The following TTC28 variants were observed in gnomAD, a reference collection of about 807,000 sequenced individuals.
TTC28 encodes tetratricopeptide repeat domain 28.
A neutral mutation model predicts 198.0 loss-of-function variants in TTC28; 61 were observed. The ratio of observed to expected loss-of-function variants is 0.31; its 90% CI spans 0.25 to 0.38. The LOEUF is 0.38. TTC28 is among the 10% of genes least tolerant of loss of function. The pLI is 1.00. For synonymous variants in TTC28, 1,171 were observed against 1,297.8 expected (o/e 0.90, Z 2.10); for missense variants, 2,678 against 3,164.0 (o/e 0.85, Z 3.69).
At chr22:28,404,315 T>A (rs1388285352) in intron 2 of TTC28, among the ~76,000 whole-genome samples, 2 of 152,124 alleles carry the variant, frequency 1.3e-5, no homozygotes, top group African/African-American at 4.8e-5. Flanking sequence ...AGATGGGGTT[T>A]CACCTTGTTA....
At chr22:28,234,916 T>C (rs951741153) in intron 5 of TTC28, among the ~76,000 whole-genome samples, 2 of 152,250 alleles carry the variant, frequency 1.3e-5, no homozygotes, top group East Asian at 1.9e-4. Context: ...TACTCACTGA[T>C]AGACAACCAG....
chr22:28,112,706 T>C (rs1440533788), intron 6 of TTC28, among the ~76,000 whole-genome samples: 3 of 152,212 alleles, frequency 2.0e-5, no homozygotes, highest in Non-Finnish European at 1.5e-5. Context: ...GCTGAGGAGA[T>C]AATCTGCAGA....
intron 2 of TTC28, among the ~76,000 whole-genome samples, chr22:28,600,784 C>A (rs142694357): frequency 6.6e-6 from 1 of 152,156 alleles, no homozygotes; most frequent in African/African-American, 2.4e-5. Context: ...AGGCAAATTG[C>A]ATTTTACTCA....
At chr22:28,623,673 A>T (rs1440026749) in intron 2 of TTC28, among the ~76,000 whole-genome samples, 2 of 152,192 alleles carry the variant, frequency 1.3e-5, no homozygotes, top group East Asian at 3.8e-4. Context: ...GAAAATTTAA[A>T]AGCATTAATA....
intron 2 of TTC28, among the ~76,000 whole-genome samples, chr22:28,380,517 G>A (rs925744379): frequency 6.6e-6 from 1 of 152,052 alleles, no homozygotes; most frequent in South Asian, 2.1e-4. Flanking sequence ...GCTAATAAAG[G>A]ACTGGTTTGT....
At chr22:28,403,413 G>C (rs1339886045) in intron 2 of TTC28, among the ~76,000 whole-genome samples, 10 of 152,200 alleles carry the variant, frequency 6.6e-5, no homozygotes, top group Admixed American at 6.5e-4. Context: ...GGATTCCATA[G>C]TGACAGTTCA....
chr22:28,054,976 C>T (rs1940225194), intron 12 of TTC28, among the ~76,000 whole-genome samples: 1 of 152,150 alleles, frequency 6.6e-6, no homozygotes, highest in African/African-American at 2.4e-5. Flanking sequence ...TCTTTGAGTC[C>T]AGTGTGTTTC....
chr22:28,341,334 T>C (rs1026439245), intron 2 of TTC28, among the ~76,000 whole-genome samples: 3 of 152,236 alleles, frequency 2.0e-5, no homozygotes, highest in Non-Finnish European at 4.4e-5. Flanking sequence ...TACAAGCTTT[T>C]GCAATTTTGA....
chr22:28,460,873 C>T (rs534345712), intron 2 of TTC28, among the ~76,000 whole-genome samples: 3 of 152,086 alleles, frequency 2.0e-5, no homozygotes, highest in African/African-American at 7.2e-5. Context: ...TTTGTAGAGA[C>T]GGGTTTCGCC....
At chr22:28,249,639 G>C (rs1043608734) in intron 5 of TTC28, among the ~76,000 whole-genome samples, 2 of 152,074 alleles carry the variant, frequency 1.3e-5, no homozygotes, top group Admixed American at 1.3e-4. Flanking sequence ...CCTCCACCAG[G>C]ACCTGTAATG....
intron 6 of TTC28, among the ~76,000 whole-genome samples, chr22:28,156,779 G>A (rs1204702376): frequency 6.6e-6 from 1 of 152,146 alleles, no homozygotes; most frequent in African/African-American, 2.4e-5. Context: ...GTCAAAGGTT[G>A]GGGGTACAAA....
At chr22:28,544,754 TATC>T (rs1338814708) in intron 2 of TTC28, among the ~76,000 whole-genome samples, 2 of 152,186 alleles carry the variant, frequency 1.3e-5, no homozygotes, top group African/African-American at 4.8e-5. Flanking sequence ...ACATGCTAAT[TATC>T]ATGCATTAGC....
intron 2 of TTC28, among the ~76,000 whole-genome samples, chr22:28,335,680 A>C (rs1049884094): frequency 3.9e-5 from 6 of 152,174 alleles, no homozygotes; most frequent in African/African-American, 7.2e-5. Context: ...ATTTTTGCAC[A>C]TTGATTTTGT....
chr22:28,081,028 T>G (rs1162761022), intron 12 of TTC28, among the ~76,000 whole-genome samples: 1 of 151,488 alleles, frequency 6.6e-6, no homozygotes, highest in Non-Finnish European at 1.5e-5. Context: ...CTATTTATTC[T>G]ATTTCATTGG....
chr22:28,038,540 A>G (rs1939462377), intron 12 of TTC28, among the ~76,000 whole-genome samples: 1 of 152,232 alleles, frequency 6.6e-6, no homozygotes, highest in African/African-American at 2.4e-5. Flanking sequence ...AAAGACTTAA[A>G]TGTTAGACCG....
chr22:28,488,039 T>C (rs1230594400), intron 2 of TTC28, among the ~76,000 whole-genome samples: 2 of 152,224 alleles, frequency 1.3e-5, no homozygotes, highest in African/African-American at 4.8e-5. Flanking sequence ...TATCTAATTA[T>C]GTGCTTGCTT....
At chr22:28,193,127 C>T (rs925644337) in intron 5 of TTC28, among the ~76,000 whole-genome samples, 2 of 152,126 alleles carry the variant, frequency 1.3e-5, no homozygotes, top group African/African-American at 2.4e-5. Flanking sequence ...AGAGTGGGGG[C>T]CAATATTCAA....
intron 12 of TTC28, among the ~76,000 whole-genome samples, chr22:28,067,572 G>A (rs548734516): frequency 1.0e-3 from 158 of 152,124 alleles, no homozygotes; most frequent in African/African-American, 3.8e-3. Flanking sequence ...GTCTCTACTC[G>A]TGACATCTAC....
rs192842084 is a variant in TTC28 at position 28,556,530 on chromosome 22, T to C, written c.381+73022A>G. On this transcript the variant is annotated intron_variant, in intron 2 of 22. Transcript: ENST00000397906. ...GTGTTGTTACTCTCTAAGTAATCCATCTTTTCTTTCTGGTTACTTTTAAGA... is the reference window on the plus strand; with the variant it reads ...GTGTTGTTACTCTCTAAGTAATCCACCTTTTCTTTCTGGTTACTTTTAAGA... 1.5e-3 allele frequency among the ~76,000 whole-genome samples: 227 copies of C among 152,344 alleles called. 2 individuals carry two copies. Among genetic ancestry groups the C allele is most frequent in the Non-Finnish European group, 2.7e-3 (186 of 68,022 alleles).
Sources: gnomAD v4.1 joint callset for allele counts (sites outside exome capture counted in the v4.1 genomes callset) on GRCh38, gnomAD v4.1.1 for gene constraint, MANE v1.5 for transcripts, NCBI Gene and HGNC (gene_info 2026-07-23, HGNC 2026-07-21) for gene names.